COMMD10: variants seen among roughly 807,000 people sequenced by gnomAD.
COMMD10 encodes COMM domain containing 10.
In COMMD10, 33 loss-of-function variants were observed where a neutral mutation model predicts 28.9. That is an observed-to-expected ratio of 1.14 (90% CI 0.87 to 1.53). The LOEUF (loss-of-function observed/expected upper bound fraction) is 1.53. Ranked by LOEUF, COMMD10 falls within the 40% of genes most tolerant of loss-of-function variation. The pLI is 0.00. For synonymous variants in COMMD10, 110 were observed against 81.7 expected, an observed-to-expected ratio of 1.35 and a Z score of -1.87; for missense variants, 310 against 233.4, an observed-to-expected ratio of 1.33 and a Z score of -2.14.
chr5:116,117,137 A>T (rs1050411094), intron 4 of COMMD10, among the ~76,000 whole-genome samples: 2 of 152,218 alleles, frequency 1.3e-5, no homozygotes, highest in African/African-American at 4.8e-5. Flanking sequence ...TCATTCCATT[A>T]TATGAAAATA....
intron 5 of COMMD10, among the ~76,000 whole-genome samples, chr5:116,227,241 G>A (rs1749415851): frequency 6.6e-6 from 1 of 151,946 alleles, no homozygotes; most frequent in Admixed American, 6.6e-5. Flanking sequence ...CTTGAAATAA[G>A]GGCCTTGTTT....
chr5:116,226,861 A>G (rs150277170), intron 5 of COMMD10, among the ~76,000 whole-genome samples: 1 of 152,232 alleles, frequency 6.6e-6, no homozygotes, highest in African/African-American at 2.4e-5. Context: ...AGGAAGTATG[A>G]ATTACTAAAG....
At position 116,217,952 on chromosome 5, in the gene COMMD10, A is replaced by G. The variant is rs921590183; in HGVS notation, c.511-73565A>G. 3.9e-6 allele frequency: 3 copies of G among 778,966 alleles called. No individual in the cohort carries two copies. In the African/African-American group the frequency reaches 5.2e-5, roughly 13 times the overall value. The allele number at this position is 778,966 out of a possible 1,614,324, so 48.3% of individuals were successfully genotyped here. A position where few individuals can be genotyped will look rare whatever the true frequency, so the allele number is the denominator to read the frequency against. On this transcript the variant is annotated intron_variant, in intron 5 of 6. Transcript: ENST00000274458. ...TAAAACAAAATTTTGCATTTTTATA[A>G]AACTTGGTAAAAATAGTATTTCAAA...
rs1750602593 is a variant in COMMD10, at chr5:116,266,917, C to T, written c.511-24600C>T. ...AACAGCCGTTCATGCTAAACACTCT[C>T]AATAAATTAGGTATTGATGGGATAT... On this transcript the variant is annotated intron_variant, in intron 5 of 6. Transcript: ENST00000274458. 1.3e-5 allele frequency among the ~76,000 whole-genome samples: 2 copies of T among 151,870 alleles called. 1 individual carries two copies. The highest frequency in any genetic ancestry group is 4.9e-5 in the African/African-American group (2 of 41,168).
chr5:116,127,702 C>T (rs1212486588), intron 4 of COMMD10, among the ~76,000 whole-genome samples: 2 of 152,170 alleles, frequency 1.3e-5, no homozygotes, highest in African/African-American at 2.4e-5. Flanking sequence ...TGCATGTTCT[C>T]ACTCATAGGT....
chr5:116,206,943 C>T (rs532356881), intron 5 of COMMD10, among the ~76,000 whole-genome samples: 4 of 150,670 alleles, frequency 2.7e-5, no homozygotes, highest in South Asian at 4.3e-4. Context: ...AAATTGTAAA[C>T]GGAAATGTTG....
At chr5:116,127,181 A>G (rs1034680890) in intron 4 of COMMD10, among the ~76,000 whole-genome samples, 1 of 152,260 alleles carries the variant, frequency 6.6e-6, no homozygotes, top group Non-Finnish European at 1.5e-5. Flanking sequence ...AAAAATGTTC[A>G]TCATCACTGG....
chr5:116,285,484 T>C (rs1331444430), intron 5 of COMMD10, among the ~76,000 whole-genome samples: 2 of 151,894 alleles, frequency 1.3e-5, no homozygotes, highest in Non-Finnish European at 2.9e-5. Flanking sequence ...TGTCTACAAA[T>C]AGACATGAAA....
intron 5 of COMMD10, among the ~76,000 whole-genome samples, chr5:116,185,224 G>T (rs891374540): frequency 1.5e-5 from 2 of 132,106 alleles, no homozygotes; most frequent in African/African-American, 3.9e-5. Context: ...AGAAAGCATA[G>T]AATTTTTACT....
At position 116,170,959 on chromosome 5, in the gene COMMD10, T is replaced by C. The variant is rs1243364654; in HGVS notation, c.510+36781T>C. 2.0e-5 allele frequency among the ~76,000 whole-genome samples: 3 copies of C among 152,214 alleles called. No individual in the cohort carries two copies. The East Asian group carries it at 5.8e-4, about 29-fold the overall frequency. On this transcript the variant is annotated intron_variant, in intron 5 of 6. Transcript: ENST00000274458. ...TTCATGGCTAAAACACCAAAAGCAA[T>C]GGCAACAAAGGCCAAAATTGACAAA... is the stretch of plus-strand genomic sequence containing the variant.
At chr5:116,157,108 T>C (rs928260616) in intron 5 of COMMD10, among the ~76,000 whole-genome samples, 5 of 152,192 alleles carry the variant, frequency 3.3e-5, no homozygotes, top group African/African-American at 1.2e-4. Context: ...GAAGTTCCTA[T>C]TTTTTCAGCC....
chr5:116,153,484 AATC>A (rs1464873985), intron 5 of COMMD10, among the ~76,000 whole-genome samples: 9 of 152,114 alleles, frequency 5.9e-5, no homozygotes, highest in Non-Finnish European at 1.2e-4. Context: ...AGCACACAGT[AATC>A]ATCATACCTG....
At chr5:116,173,225 C>T (rs1184016424) in intron 5 of COMMD10, among the ~76,000 whole-genome samples, 1 of 152,000 alleles carries the variant, frequency 6.6e-6, no homozygotes, top group Non-Finnish European at 1.5e-5. Flanking sequence ...AATGCCTTGG[C>T]ATTAAACAGC....
chr5:116,210,884 A>G (rs1580551559), intron 5 of COMMD10, among the ~76,000 whole-genome samples: 2 of 152,104 alleles, frequency 1.3e-5, no homozygotes, highest in East Asian at 3.8e-4. Flanking sequence ...AATTGTCTTT[A>G]AAAATTTTTT....
At chr5:116,248,008 A>G (rs1261722260) in intron 5 of COMMD10, among the ~76,000 whole-genome samples, 1 of 151,968 alleles carries the variant, frequency 6.6e-6, no homozygotes, top group Non-Finnish European at 1.5e-5. Flanking sequence ...AATACCTACA[A>G]ATTTAATAAA....
chr5:116,267,705 A>G (rs6896118), intron 5 of COMMD10, among the ~76,000 whole-genome samples: 101,934 of 151,696 alleles, frequency 0.67, 39,113 homozygotes, highest in Non-Finnish European at 0.84. Flanking sequence ...ACTATACTAC[A>G]AGGCTACAGT....
chr5:116,141,877 T>C (rs1752207057), intron 5 of COMMD10, among the ~76,000 whole-genome samples: 1 of 151,926 alleles, frequency 6.6e-6, no homozygotes, highest in South Asian at 2.1e-4. Flanking sequence ...TTTTAAGGGT[T>C]CTTTTTCTTT....
At chr5:116,121,910 A>G (rs996729283) in intron 4 of COMMD10, among the ~76,000 whole-genome samples, 1 of 152,114 alleles carries the variant, frequency 6.6e-6, no homozygotes, top group Non-Finnish European at 1.5e-5. Flanking sequence ...AGATTGCACA[A>G]ATTTTCTCCC....
chr5:116,136,100 G>T (rs538256758), intron 5 of COMMD10, among the ~76,000 whole-genome samples: 1 of 152,216 alleles, frequency 6.6e-6, no homozygotes, highest in South Asian at 2.1e-4. Flanking sequence ...CAATCCATTT[G>T]TTTTAATTCA....
Sources: gnomAD v4.1 joint callset for allele counts (sites outside exome capture counted in the v4.1 genomes callset) on GRCh38, gnomAD v4.1.1 for gene constraint, MANE v1.5 for transcripts, NCBI Gene and HGNC (gene_info 2026-07-23, HGNC 2026-07-21) for gene names.